The following JMJD1C variants were observed in gnomAD, a reference collection of about 807,000 sequenced individuals.
The protein encoded by JMJD1C is jumonji domain containing 1C, also known as jumonji domain-containing protein 1C.
A neutral mutation model predicts 245.3 loss-of-function variants in JMJD1C; 31 were observed. The observed-to-expected ratio is 0.13, with a 90% CI of 0.09 to 0.17. The LOEUF is 0.17. Among genes scored for constraint, JMJD1C ranks in the 10% least tolerant of loss-of-function variants. JMJD1C has a pLI of 1.00. For missense variants in JMJD1C, 2,691 were observed against 3,000.2 expected, an observed-to-expected ratio of 0.90 and a Z score of 2.41; for synonymous variants, 1,057 against 1,017.4, an observed-to-expected ratio of 1.04 and a Z score of -0.74.
rs1019940267 is a variant in JMJD1C at position 63,191,900 on chromosome 10, G to A, written c.6077-792C>T. The stretch of plus-strand genomic sequence containing the variant: ...CTTGGGAGGCTGAGGCACAAGAATC[G>A]CTGGAACCTGAAGTCAGAGGTTGCA... On this transcript the variant is annotated intron_variant, in intron 16 of 25. Transcript: ENST00000399262. 8.0e-4 allele frequency among the ~76,000 whole-genome samples: 3 copies of A among 3,746 alleles called. No individual in the cohort carries two copies. The Non-Finnish European group carries it at 0.038, about 48-fold the overall frequency. The allele number at this position is 3,746 out of a possible 152,430, so 2.5% of individuals were successfully genotyped here.
At chr10:63,515,547 G>A (rs2133298439) in intron 1 of JMJD1C, among the ~76,000 whole-genome samples, 1 of 152,218 alleles carries the variant, frequency 6.6e-6, no homozygotes, top group South Asian at 2.1e-4. Flanking sequence ...TTCCTACCCG[G>A]GTACTGGTTC....
At chr10:63,299,086 T>G (rs1859780736) in intron 2 of JMJD1C, among the ~76,000 whole-genome samples, 1 of 152,150 alleles carries the variant, frequency 6.6e-6, no homozygotes, top group African/African-American at 2.4e-5. Flanking sequence ...TTAATAAACA[T>G]TATTACTAAG....
chr10:63,469,469 C>G (rs1028440559), upstream of JMJD1C, among the ~76,000 whole-genome samples: 7 of 152,110 alleles, frequency 4.6e-5, no homozygotes, highest in Non-Finnish European at 8.8e-5. Flanking sequence ...ACGTGAAGGT[C>G]AGTTATCAAG....
rs143034822 is a variant in JMJD1C, at chr10:63,251,931, G to T, written c.447+12720C>A. Among the ~76,000 whole-genome samples the T allele has an allele frequency of 2.9e-4, 44 of 152,298 alleles. No individual in the cohort carries two copies. The East Asian group carries it at 7.7e-3, about 27-fold the overall frequency. On this transcript the variant is annotated intron_variant, in intron 3 of 25. Transcript: ENST00000399262. ...GGAGGCTGAAGCAGAAGAATTGTTT[G>T]AACCCAGGAGGTGGAGGCTGCAGTT...
rs375178020 is a variant in JMJD1C, at chr10:63,350,914, C to T, written c.333+29404G>A. ...GATTACAGGCGTGAGCCACCGCACC[C>T]GGCCCAAAATTTTTATATACATTAA... On this transcript the variant is annotated intron_variant, in intron 2 of 25. Transcript: ENST00000399262. 2.4e-4 allele frequency among the ~76,000 whole-genome samples: 36 copies of T among 151,810 alleles called. No individual in the cohort carries two copies. In the East Asian group the frequency reaches 6.0e-3, roughly 25 times the overall value.
intron 1 of JMJD1C, among the ~76,000 whole-genome samples, chr10:63,438,752 C>G (rs1346092584): frequency 6.6e-6 from 1 of 152,152 alleles, no homozygotes; most frequent in Non-Finnish European, 1.5e-5. Flanking sequence ...GTACTTACTC[C>G]AGACATCTAC....
chr10:63,332,118 C>T (rs566570333), intron 2 of JMJD1C, among the ~76,000 whole-genome samples: 23 of 152,256 alleles, frequency 1.5e-4, no homozygotes, highest in South Asian at 1.0e-3. Context: ...TTTACCCTAA[C>T]TAAAAAACAA....
intron 1 of JMJD1C, among the ~76,000 whole-genome samples, chr10:63,473,872 G>A (rs1192605634): frequency 4.6e-5 from 7 of 151,452 alleles, no homozygotes; most frequent in Admixed American, 2.0e-4. Flanking sequence ...GTGAAACCTC[G>A]TCTCTACTAA....
At chr10:63,359,407 C>A (rs1325378629) in intron 2 of JMJD1C, among the ~76,000 whole-genome samples, 2 of 152,160 alleles carry the variant, frequency 1.3e-5, no homozygotes, top group Non-Finnish European at 2.9e-5. Context: ...ACAGCAGTTT[C>A]TTCAAAAGTT....
At chr10:63,172,311 T>C (rs1842442997) in intron 24 of JMJD1C, among the ~76,000 whole-genome samples, 1 of 152,218 alleles carries the variant, frequency 6.6e-6, no homozygotes, top group Non-Finnish European at 1.5e-5. Flanking sequence ...AAGTAAACTT[T>C]TGGAAGTAGC....
chr10:63,498,492 T>C (rs975171615), intron 1 of JMJD1C, among the ~76,000 whole-genome samples: 2 of 152,196 alleles, frequency 1.3e-5, no homozygotes, highest in African/African-American at 4.8e-5. Flanking sequence ...TGTTAAATTA[T>C]ATTTAATTTT....
chr10:63,177,492 A>G, intron 23 of JMJD1C: 1 of 517,782 alleles, frequency 1.9e-6, no homozygotes, highest in Non-Finnish European at 3.4e-6. Flanking sequence ...ATGGAGGCAC[A>G]CTACCAACTG....
At chr10:63,180,708 T>G (rs956646487) in intron 22 of JMJD1C, among the ~76,000 whole-genome samples, 2 of 152,104 alleles carry the variant, frequency 1.3e-5, no homozygotes, top group African/African-American at 4.8e-5. Flanking sequence ...GTTCAAGCAA[T>G]TCTCCTGCCT....
chr10:63,273,681 C>T (rs755033040), intron 2 of JMJD1C, among the ~76,000 whole-genome samples: 4 of 151,936 alleles, frequency 2.6e-5, no homozygotes, highest in Non-Finnish European at 4.4e-5. Flanking sequence ...AGTAAAAGGC[C>T]TTTTTTGGCT....
In JMJD1C at chr10:63,192,920, A is replaced by T. The variant is rs1465281222; in HGVS notation, c.6076+18T>A. 6.4e-7 allele frequency: 1 copy of T among 1,572,492 alleles called. No individual in the cohort carries two copies. On this transcript the variant is annotated intron_variant, in intron 16 of 25. Coordinates refer to ENST00000399262, the MANE Select transcript of JMJD1C (RefSeq NM_032776.3). ...CTATACTCCTCTCACACATGCCTAG[A>T]TAATCAATTATGTTTACCTTTTTTT... is the stretch of plus-strand genomic sequence containing the variant.
intron 1 of JMJD1C, among the ~76,000 whole-genome samples, chr10:63,451,570 A>G (rs1952072137): frequency 6.6e-6 from 1 of 152,250 alleles, no homozygotes. Context: ...TAGGTATTAT[A>G]AGTACTATAT....
At chr10:63,238,151 A>G (rs1850998442) in intron 3 of JMJD1C, among the ~76,000 whole-genome samples, 1 of 146,288 alleles carries the variant, frequency 6.8e-6, no homozygotes, top group East Asian at 2.0e-4. Flanking sequence ...ACTGCACTCC[A>G]GCCTGGGTGA....
chr10:63,318,697 G>A (rs1940425935), intron 2 of JMJD1C, among the ~76,000 whole-genome samples: 1 of 151,834 alleles, frequency 6.6e-6, no homozygotes, highest in African/African-American at 2.4e-5. Context: ...AGTTTCTTTG[G>A]CATAGATAAT....
At chr10:63,400,688 G>A (rs975833231) in intron 1 of JMJD1C, among the ~76,000 whole-genome samples, 7 of 151,888 alleles carry the variant, frequency 4.6e-5, no homozygotes, top group African/African-American at 1.2e-4. Flanking sequence ...TCAGCCTCCC[G>A]AGTAGCTGAG....
Sources: allele counts gnomAD v4.1 joint callset (sites outside exome capture counted in the v4.1 genomes callset), GRCh38; gene constraint gnomAD v4.1.1; transcripts MANE v1.5; gene names NCBI Gene and HGNC (gene_info 2026-07-23, HGNC 2026-07-21).